STRN3: variants seen among roughly 807,000 people sequenced by gnomAD.
The protein encoded by STRN3 is striatin-3.
STRN3 carries 29 observed loss-of-function variants against 95.6 expected under a neutral mutation model. The observed-to-expected ratio is 0.30, with a 90% CI of 0.23 to 0.41. The LOEUF (loss-of-function observed/expected upper bound fraction) is 0.41, where lower values mean the gene tolerates loss of function less well. Ranked by LOEUF, STRN3 falls within the 10% of genes least tolerant of loss-of-function variation. The pLI is 1.00. For missense variants in STRN3, 890 were observed against 972.1 expected (o/e 0.92, Z 1.12); for synonymous variants, 331 against 357.6 (o/e 0.93, Z 0.84).
At chr14:30,979,231 C>CA (rs890679208) in intron 1 of STRN3, among the ~76,000 whole-genome samples, 4 of 151,762 alleles carry the variant, frequency 2.6e-5, no homozygotes, top group Non-Finnish European at 4.4e-5. Context: ...AAGAAAACTA[C>CA]AAAAAACTCT....
intron 1 of STRN3, among the ~76,000 whole-genome samples, chr14:30,987,432 A>G (rs1017444333): frequency 2.0e-5 from 3 of 152,042 alleles, no homozygotes; most frequent in Non-Finnish European, 4.4e-5. Flanking sequence ...GCGTGAACCC[A>G]GGAGGCAGAG....
At chr14:31,022,471 G>C (rs955864071) in intron 1 of STRN3, among the ~76,000 whole-genome samples, 1 of 151,230 alleles carries the variant, frequency 6.6e-6, no homozygotes, top group Non-Finnish European at 1.5e-5. Context: ...CAAGCATTTT[G>C]TATATACCCA....
At chr14:31,010,592 T>A (rs1445272226) in intron 1 of STRN3, among the ~76,000 whole-genome samples, 4 of 152,104 alleles carry the variant, frequency 2.6e-5, no homozygotes, top group African/African-American at 9.7e-5. Flanking sequence ...TTCAACGTAC[T>A]TTTTTCATAT....
At chr14:31,012,607 T>A (rs1288744146) in intron 1 of STRN3, among the ~76,000 whole-genome samples, 1 of 152,082 alleles carries the variant, frequency 6.6e-6, no homozygotes, top group Non-Finnish European at 1.5e-5. Context: ...GAAGTGAGGA[T>A]GTAGGGTCAG....
intron 8 of STRN3, among the ~76,000 whole-genome samples, chr14:30,921,061 CACATACATAT>C (rs950519422): frequency 3.8e-5 from 4 of 106,524 alleles, no homozygotes; most frequent in Admixed American, 2.1e-4. Context: ...AGGCTTTCTA[CACATACATAT>C]ACACACACAC....
At chr14:30,930,422 T>C (rs1034715110) in intron 7 of STRN3, among the ~76,000 whole-genome samples, 3 of 152,174 alleles carry the variant, frequency 2.0e-5, no homozygotes, top group Non-Finnish European at 4.4e-5. Flanking sequence ...TAGATTGCTA[T>C]ATGCACCAAA....
chr14:30,987,016 C>CA (rs1881723792), intron 1 of STRN3, among the ~76,000 whole-genome samples: 2 of 152,130 alleles, frequency 1.3e-5, no homozygotes, highest in Non-Finnish European at 2.9e-5. Context: ...TAATTACCAA[C>CA]AAAATTTTGT....
intron 1 of STRN3, among the ~76,000 whole-genome samples, chr14:31,011,776 TTTTA>T (rs1264389787): frequency 9.2e-5 from 14 of 152,240 alleles, no homozygotes; most frequent in Admixed American, 3.3e-4. Flanking sequence ...TTTTATTTAT[TTTTA>T]TTTATTTATT....
At chr14:30,987,568 T>TCA (rs1367707694) in intron 1 of STRN3, among the ~76,000 whole-genome samples, 1 of 151,870 alleles carries the variant, frequency 6.6e-6, no homozygotes, top group Non-Finnish European at 1.5e-5. Context: ...GAGAAATACG[T>TCA]CACAACCAGG....
chr14:30,915,159 T>TA (rs35452404), intron 9 of STRN3, among the ~76,000 whole-genome samples: 2 of 152,106 alleles, frequency 1.3e-5, no homozygotes, highest in Non-Finnish European at 2.9e-5. Context: ...TTATCAATTT[T>TA]AAAAAAATTC....
At chr14:30,919,379 A>G (rs866940132) in intron 8 of STRN3, among the ~76,000 whole-genome samples, 2 of 151,676 alleles carry the variant, frequency 1.3e-5, no homozygotes, top group African/African-American at 4.8e-5. Flanking sequence ...ATATATATAT[A>G]TATCTCCACA....
At chr14:30,918,158 A>G (rs1896787161) in intron 9 of STRN3, among the ~76,000 whole-genome samples, 1 of 152,188 alleles carries the variant, frequency 6.6e-6, no homozygotes, top group East Asian at 1.9e-4. Flanking sequence ...ATGCTGCCTT[A>G]TTCTCAAATG....
chr14:30,926,334 A>T (rs1452535761), intron 8 of STRN3, among the ~76,000 whole-genome samples: 1 of 152,030 alleles, frequency 6.6e-6, no homozygotes, highest in Non-Finnish European at 1.5e-5. Context: ...AATACACAAA[A>T]ATTATATTTT....
intron 1 of STRN3, chr14:31,018,930 C>T (rs1594593578): frequency 3.8e-6 from 1 of 264,260 alleles, no homozygotes; most frequent in East Asian, 1.3e-4. Flanking sequence ...TGAGACCAGA[C>T]TGGCCAATAT....
At chr14:30,954,014 T>A (rs561276404) in intron 3 of STRN3, among the ~76,000 whole-genome samples, 38 of 152,326 alleles carry the variant, frequency 2.5e-4, no homozygotes, top group African/African-American at 8.7e-4. Flanking sequence ...CTAACACCAA[T>A]GTCGACGAAT....
At chr14:31,023,460 TC>T (rs1566500093) in intron 1 of STRN3, among the ~76,000 whole-genome samples, 1 of 152,116 alleles carries the variant, frequency 6.6e-6, no homozygotes, top group Non-Finnish European at 1.5e-5. Context: ...TTAATATCTT[TC>T]CCAAAGCCAG....
chr14:31,005,153 G>A (rs1882656685), intron 1 of STRN3, among the ~76,000 whole-genome samples: 1 of 152,138 alleles, frequency 6.6e-6, no homozygotes, highest in African/African-American at 2.4e-5. Flanking sequence ...CCAATATGGT[G>A]AAACCCCATC....
intron 1 of STRN3, among the ~76,000 whole-genome samples, chr14:31,021,575 G>A (rs185799397): frequency 2.0e-5 from 3 of 152,180 alleles, no homozygotes; most frequent in African/African-American, 7.2e-5. Flanking sequence ...TATACAGTGA[G>A]AACATAAAAT....
intron 9 of STRN3, among the ~76,000 whole-genome samples, chr14:30,914,034 G>A (rs1378035943): frequency 1.3e-5 from 2 of 152,040 alleles, no homozygotes; most frequent in Non-Finnish European, 2.9e-5. Context: ...CATTCATGAG[G>A]GGAAACCTCT....
Sources: allele counts gnomAD v4.1 joint callset (sites outside exome capture counted in the v4.1 genomes callset), GRCh38; gene constraint gnomAD v4.1.1; transcripts MANE v1.5; gene names NCBI Gene and HGNC (gene_info 2026-07-23, HGNC 2026-07-21).